NAALADL2: variants seen among roughly 807,000 people sequenced by gnomAD.
NAALADL2 encodes inactive N-acetylated-alpha-linked acidic dipeptidase-like protein 2.
A neutral mutation model predicts 87.2 loss-of-function variants in NAALADL2; 76 were observed. The observed-to-expected ratio is 0.87, with a 90% CI of 0.72 to 1.05. The LOEUF is 1.05. Among genes scored for constraint, NAALADL2 ranks in the 50% least tolerant of loss-of-function variants. NAALADL2 has a pLI of 0.00. For synonymous variants in NAALADL2, 354 were observed against 331.0 expected (o/e 1.07, Z -0.75); for missense variants, 1,089 against 945.8 (o/e 1.15, Z -1.99).
intron 5 of NAALADL2, among the ~76,000 whole-genome samples, chr3:175,409,444 G>C (rs1055548751): frequency 3.3e-5 from 5 of 151,726 alleles, no homozygotes; most frequent in African/African-American, 9.7e-5. Context: ...ATGATGAGTG[G>C]ATCTTACCCA....
intron 5 of NAALADL2, among the ~76,000 whole-genome samples, chr3:175,410,733 T>C (rs1713350996): frequency 6.6e-6 from 1 of 152,178 alleles, no homozygotes; most frequent in Non-Finnish European, 1.5e-5. Context: ...ACGACTCTCC[T>C]GAGAGAGTAA....
chr3:175,201,446 A>AT (rs1252275841), intron 2 of NAALADL2, among the ~76,000 whole-genome samples: 5 of 152,168 alleles, frequency 3.3e-5, no homozygotes, highest in Non-Finnish European at 1.5e-5. Flanking sequence ...TGTTAAGATT[A>AT]TTTTTTATTC....
intron 13 of NAALADL2, among the ~76,000 whole-genome samples, chr3:175,779,043 A>G (rs1183881457): frequency 6.6e-6 from 1 of 152,228 alleles, no homozygotes; most frequent in Non-Finnish European, 1.5e-5. Context: ...AATTGTGGAA[A>G]AGCGGCAAGA....
At chr3:175,028,518 A>G (rs1752458369) in intron 1 of NAALADL2, among the ~76,000 whole-genome samples, 1 of 152,060 alleles carries the variant, frequency 6.6e-6, no homozygotes, top group Non-Finnish European at 1.5e-5. Flanking sequence ...AATTCAAACC[A>G]AAGTTCTAGA....
At chr3:175,716,568 G>A (rs938293535) in intron 11 of NAALADL2, among the ~76,000 whole-genome samples, 3 of 152,092 alleles carry the variant, frequency 2.0e-5, no homozygotes, top group African/African-American at 7.2e-5. Context: ...TGGAGGCAGA[G>A]CACTTCCATT....
Position 175,398,009 on chromosome 3 carries a change from T to G in NAALADL2, c.1091-49220T>G, listed in dbSNP as rs529722634. On this transcript the variant is annotated intron_variant, in intron 5 of 13. Transcript: ENST00000454872. ...AATTGAAGTGTTGAATTGGATGTTC[T>G]TTAAGGTATTGTGCCCCCAAAACAA... Among the ~76,000 whole-genome samples the G allele has an allele frequency of 1.4e-3, 215 of 152,244 alleles. 2 individuals are homozygous for G. Among genetic ancestry groups the G allele is most frequent in the African/African-American group, 5.0e-3 (206 of 41,552 alleles).
chr3:174,831,627 A>T (rs923963476), intron 3 of NAALADL2, among the ~76,000 whole-genome samples: 2 of 151,152 alleles, frequency 1.3e-5, no homozygotes, highest in East Asian at 3.9e-4. Context: ...TCTCATAAAA[A>T]GAGTTAGGGA....
chr3:174,543,017 A>T (rs1374804987), intron 1 of NAALADL2, among the ~76,000 whole-genome samples: 1 of 152,128 alleles, frequency 6.6e-6, no homozygotes, highest in Non-Finnish European at 1.5e-5. Context: ...AATTTGTGGG[A>T]TTACCCATCA....
At chr3:175,604,038 T>G (rs1402109516) in intron 10 of NAALADL2, among the ~76,000 whole-genome samples, 1 of 152,094 alleles carries the variant, frequency 6.6e-6, no homozygotes, top group Non-Finnish European at 1.5e-5. Flanking sequence ...GACCCTACTT[T>G]CAGTTCTTTG....
At position 175,324,117 on chromosome 3, in the gene NAALADL2, C is replaced by G. The variant is rs980292449; in HGVS notation, c.940-58C>G. 9.1e-6 allele frequency: 13 copies of G among 1,422,642 alleles called. No individual in the cohort carries two copies. The African/African-American group carries it at 1.7e-4, about 19-fold the overall frequency. 88.1% of individuals were successfully genotyped at this position (1,422,642 alleles called of 1,614,324 possible). A position where few individuals can be genotyped will look rare whatever the true frequency, so the allele number is the denominator to read the frequency against. On this transcript the variant is annotated intron_variant, in intron 4 of 13. Coordinates refer to ENST00000454872, the MANE Select transcript of NAALADL2 (RefSeq NM_207015.3). ...TCATAGCCACATTGGCAAAATGGCA[C>G]TATATGAACTTTTAATGTGCATGAT...
chr3:174,870,594 A>T (rs1253404700), intron 1 of NAALADL2, among the ~76,000 whole-genome samples: 2 of 122,532 alleles, frequency 1.6e-5, no homozygotes, highest in Non-Finnish European at 3.6e-5. Flanking sequence ...CAAAAAAATA[A>T]AAAAAAAACA....
intron 1 of NAALADL2, among the ~76,000 whole-genome samples, chr3:174,441,632 T>G (rs1714643841): frequency 6.6e-6 from 1 of 152,096 alleles, no homozygotes; most frequent in African/African-American, 2.4e-5. Flanking sequence ...CCTGCGCTGC[T>G]GGTTCTACCC....
intron 1 of NAALADL2, among the ~76,000 whole-genome samples, chr3:174,546,508 C>G (rs1225239303): frequency 6.6e-6 from 1 of 152,066 alleles, no homozygotes; most frequent in Non-Finnish European, 1.5e-5. Flanking sequence ...ACTTGCTGAA[C>G]CCCCCCAGGG....
intron 11 of NAALADL2, among the ~76,000 whole-genome samples, chr3:175,712,563 C>G (rs1163748904): frequency 6.6e-6 from 1 of 152,064 alleles, no homozygotes; most frequent in East Asian, 1.9e-4. Flanking sequence ...GTACTATCCT[C>G]TCTGGCCCAG....
chr3:174,882,868 T>A (rs954148247), intron 1 of NAALADL2, among the ~76,000 whole-genome samples: 1 of 148,204 alleles, frequency 6.7e-6, no homozygotes, highest in African/African-American at 2.5e-5. Context: ...TACATATGTG[T>A]ATATGTGTAT....
At chr3:175,334,564 T>C (rs986532268) in intron 5 of NAALADL2, among the ~76,000 whole-genome samples, 8 of 152,216 alleles carry the variant, frequency 5.3e-5, no homozygotes, top group Non-Finnish European at 7.3e-5. Flanking sequence ...TATACACATA[T>C]TCTTCTTATT....
chr3:175,450,851 A>G (rs533331599), intron 6 of NAALADL2, among the ~76,000 whole-genome samples: 2 of 152,348 alleles, frequency 1.3e-5, no homozygotes, highest in African/African-American at 4.8e-5. Context: ...CTCAGTTTAC[A>G]AACTTTAAGT....
intron 2 of NAALADL2, among the ~76,000 whole-genome samples, chr3:174,566,937 T>C (rs1312177349): frequency 6.6e-6 from 1 of 151,756 alleles, no homozygotes; most frequent in Non-Finnish European, 1.5e-5. Context: ...TTTCCAACTT[T>C]AAATTCTGCT....
chr3:174,571,509 A>G lies in NAALADL2; in HGVS notation c.-115+20872A>G, dbSNP rs191801428. ...ATTTTCCTGCCTCAGCCTCCCGAGT[A>G]GCTGGGATTACAGGCATGTGCCACC... On this transcript the variant is annotated intron_variant, in intron 2 of 3. Coordinates refer to the NAALADL2 transcript ENST00000434257. Among the ~76,000 whole-genome samples, 583 of 152,178 alleles carry G rather than the reference A, an allele frequency of 3.8e-3. 10 individuals carry two copies. Among genetic ancestry groups the G allele is most frequent in the South Asian group, 0.018 (89 of 4,820 alleles).
Sources: allele counts gnomAD v4.1 joint callset (sites outside exome capture counted in the v4.1 genomes callset), GRCh38; gene constraint gnomAD v4.1.1; transcripts MANE v1.5; gene names NCBI Gene and HGNC (gene_info 2026-07-23, HGNC 2026-07-21).